Variants in RORA observed in about 807,000 individuals in gnomAD.
RORA encodes nuclear receptor ROR-alpha.
A neutral mutation model predicts 69.5 loss-of-function variants in RORA; 7 were observed. The observed-to-expected ratio is 0.10, with a 90% confidence interval of 0.06 to 0.19. The LOEUF is 0.19. Ranked by LOEUF, RORA falls within the 10% of genes least tolerant of loss-of-function variation. RORA has a pLI of 1.00. For synonymous variants in RORA, 261 were observed against 240.8 expected (o/e 1.08, Z -0.78); for missense variants, 457 against 663.0 (o/e 0.69, Z 3.41).
At chr15:60,581,225 A>G (rs111537980) in intron 2 of RORA, among the ~76,000 whole-genome samples, 9 of 152,224 alleles carry the variant, frequency 5.9e-5, no homozygotes, top group African/African-American at 2.2e-4. Context: ...GGCCACTTCA[A>G]AAGGGATTCT....
chr15:60,918,594 C>A (rs1398075635), intron 1 of RORA, among the ~76,000 whole-genome samples: 1 of 152,192 alleles, frequency 6.6e-6, no homozygotes, highest in Non-Finnish European at 1.5e-5. Context: ...TTAGTTGTGG[C>A]TTTGTAAGAA....
intron 1 of RORA, among the ~76,000 whole-genome samples, chr15:60,955,029 C>T (rs915172961): frequency 2.6e-5 from 4 of 152,168 alleles, no homozygotes; most frequent in East Asian, 1.9e-4. Flanking sequence ...TAAGGCTGGG[C>T]GTGGTGACTC....
chr15:60,880,804 A>G (rs2073670525), intron 1 of RORA, among the ~76,000 whole-genome samples: 1 of 152,222 alleles, frequency 6.6e-6, no homozygotes. Flanking sequence ...ACATAACACA[A>G]AGAAATTAAA....
intron 1 of RORA, among the ~76,000 whole-genome samples, chr15:61,211,265 A>G (rs1264420935): frequency 6.8e-6 from 1 of 146,026 alleles, no homozygotes; most frequent in Non-Finnish European, 1.5e-5. Flanking sequence ...AGTTAAAAAG[A>G]CAGAGAAGAA....
chr15:61,070,859 C>T lies in RORA; in HGVS notation c.166+158194G>A, dbSNP rs73428859. Among the ~76,000 whole-genome samples the T allele has an allele frequency of 7.3e-3, 1,112 of 152,056 alleles. 16 individuals are homozygous for T. Among genetic ancestry groups the T allele is most frequent in the African/African-American group, 0.025 (1,046 of 41,492 alleles). On this transcript the variant is annotated intron_variant, in intron 1 of 10. Transcript: ENST00000335670. ...GTTTTCATAAGCTAGCAGGGGAGCC[C>T]AAAAGCATGCAAAATATAGCTTCTA... is the stretch of plus-strand genomic sequence containing the variant.
rs2073148120 is a variant in RORA at position 60,838,453 on chromosome 15, G to A, written c.167-159767C>T. Among the ~76,000 whole-genome samples the A allele has an allele frequency of 2.0e-5, 3 of 152,112 alleles. No homozygotes were observed. The South Asian group carries it at 6.2e-4, about 31-fold the overall frequency. ...ATGCTGTCCAAGCAGACAGGCAGCA[G>A]GTCACCGGGCCATGGGGCCAGCCTC... On this transcript the variant is annotated intron_variant, in intron 1 of 10. Coordinates refer to ENST00000335670, the MANE Select transcript of RORA (RefSeq NM_134261.3).
chr15:60,739,118 G>C (rs1255240613), intron 1 of RORA, among the ~76,000 whole-genome samples: 1 of 152,128 alleles, frequency 6.6e-6, no homozygotes, highest in East Asian at 1.9e-4. Context: ...TTTGAGGAGG[G>C]GGACACAGTC....
chr15:60,720,305 C>A (rs2140823012), intron 1 of RORA, among the ~76,000 whole-genome samples: 1 of 152,278 alleles, frequency 6.6e-6, no homozygotes, highest in East Asian at 1.9e-4. Context: ...AAGATGTAGT[C>A]CTCGCCCTGA....
intron 1 of RORA, among the ~76,000 whole-genome samples, chr15:60,692,545 A>G (rs1342298783): frequency 6.6e-6 from 1 of 152,238 alleles, no homozygotes; most frequent in Non-Finnish European, 1.5e-5. Flanking sequence ...TTTGAGCAGG[A>G]TGCATGCTAA....
chr15:60,830,416 A>G (rs1479627079), intron 1 of RORA, among the ~76,000 whole-genome samples: 2 of 152,224 alleles, frequency 1.3e-5, no homozygotes, highest in African/African-American at 4.8e-5. Flanking sequence ...TCCACTTAAC[A>G]TTATATCGTG....
chr15:60,579,101 A>G (rs1024475886), intron 2 of RORA, among the ~76,000 whole-genome samples: 2 of 147,252 alleles, frequency 1.4e-5, no homozygotes, highest in Admixed American at 1.4e-4. Context: ...GCAACTGCAC[A>G]GTAATGAAGA....
chr15:60,602,225 A>G (rs149038402), intron 2 of RORA, among the ~76,000 whole-genome samples: 5 of 152,326 alleles, frequency 3.3e-5, no homozygotes, highest in South Asian at 2.1e-4. Flanking sequence ...AGAGTTCAAG[A>G]CACTCAAAGA....
intron 1 of RORA, among the ~76,000 whole-genome samples, chr15:60,701,710 G>A (rs940123227): frequency 2.0e-5 from 3 of 152,090 alleles, no homozygotes; most frequent in Non-Finnish European, 2.9e-5. Flanking sequence ...TTGTCCTTGC[G>A]GGCCCATGCT....
chr15:61,054,642 T>C (rs2078065273), intron 1 of RORA, among the ~76,000 whole-genome samples: 1 of 152,184 alleles, frequency 6.6e-6, no homozygotes, highest in African/African-American at 2.4e-5. Context: ...TATATTATTT[T>C]AGATACTCTA....
intron 1 of RORA, among the ~76,000 whole-genome samples, chr15:61,100,417 G>T (rs2078862726): frequency 6.6e-6 from 1 of 152,200 alleles, no homozygotes; most frequent in Non-Finnish European, 1.5e-5. Context: ...GCGGTGCCCG[G>T]CCTGAGCGGT....
chr15:60,746,280 G>A (rs1178816671), intron 1 of RORA, among the ~76,000 whole-genome samples: 6 of 152,134 alleles, frequency 3.9e-5, no homozygotes, highest in Non-Finnish European at 7.3e-5. Flanking sequence ...GCTGTCAGGG[G>A]TGGTGGGCCA....
At chr15:61,148,096 G>A (rs558971845) in intron 1 of RORA, among the ~76,000 whole-genome samples, 18 of 152,308 alleles carry the variant, frequency 1.2e-4, no homozygotes, top group Admixed American at 2.6e-4. Context: ...CATCGATGCC[G>A]AAGGCGTGAG....
chr15:60,989,974 GATTA>G (rs1894323178), intron 1 of RORA, among the ~76,000 whole-genome samples: 1 of 152,042 alleles, frequency 6.6e-6, no homozygotes, highest in East Asian at 1.9e-4. Context: ...AAAATTCTGT[GATTA>G]ATTATTTTTG....
chr15:61,208,663 T>C (rs2079963421), intron 1 of RORA, among the ~76,000 whole-genome samples: 1 of 152,194 alleles, frequency 6.6e-6, no homozygotes, highest in African/African-American at 2.4e-5. Context: ...GGCAGGAAGC[T>C]GTAGTTCAGT....
Sources: allele counts gnomAD v4.1 joint callset (sites outside exome capture counted in the v4.1 genomes callset), GRCh38; gene constraint gnomAD v4.1.1; transcripts MANE v1.5; gene names NCBI Gene and HGNC (gene_info 2026-07-23, HGNC 2026-07-21).